Variants in PRELID2 observed in about 807,000 individuals in gnomAD.
The protein encoded by PRELID2 is PRELI domain containing 2.
A neutral mutation model predicts 28.4 loss-of-function variants in PRELID2; 25 were observed. The observed-to-expected ratio is 0.88, with a 90% CI of 0.64 to 1.23. PRELID2 has a LOEUF of 1.23. Among genes scored for constraint, PRELID2 ranks in the 50% most tolerant of loss-of-function variants. PRELID2 has a pLI of 0.00. For missense variants in PRELID2, 201 were observed against 214.4 expected, an observed-to-expected ratio of 0.94 and a Z score of 0.39; for synonymous variants, 76 against 71.6, an observed-to-expected ratio of 1.06 and a Z score of -0.31.
In PRELID2 at chr5:145,697,312, C is replaced by T. The variant is rs146071503; in HGVS notation, n.70+67619G>A. Among the ~76,000 whole-genome samples, 33 of 151,994 alleles carry T rather than the reference C, an allele frequency of 2.2e-4. No homozygotes were observed. In the South Asian group the frequency reaches 4.6e-3, roughly 21 times the overall value. On this transcript the variant is annotated intron_variant and non_coding_transcript_variant, in intron 1 of 2. Coordinates refer to the PRELID2 transcript ENST00000510259. ...TGCTTCTCCTCATTTAATCTCACAGCAACCCTGGGAGTCAGTGCATTCACA... is the reference window on the plus strand; with the variant it reads ...TGCTTCTCCTCATTTAATCTCACAGTAACCCTGGGAGTCAGTGCATTCACA...
At chr5:145,415,850 C>T in the PRELID2 span, among the ~76,000 whole-genome samples, 1,035 of 151,868 alleles carry the variant, frequency 6.8e-3, 3 homozygotes, top group Non-Finnish European at 0.01. Context: ...CCTGAGGAAT[C>T]GCCACACTGA....
intron 1 of PRELID2, among the ~76,000 whole-genome samples, chr5:145,674,193 G>A (rs1269528873): frequency 6.6e-6 from 1 of 152,030 alleles, no homozygotes; most frequent in Non-Finnish European, 1.5e-5. Context: ...TAAGTTCTAG[G>A]GTACATGCGC....
intron 5 of PRELID2, among the ~76,000 whole-genome samples, chr5:145,791,861 G>A (rs1215072012): frequency 6.6e-6 from 1 of 152,168 alleles, no homozygotes; most frequent in Non-Finnish European, 1.5e-5. Flanking sequence ...CGTCATTACA[G>A]TAAAAATGGG....
At chr5:145,667,846 A>T (rs1165660131) in intron 1 of PRELID2, among the ~76,000 whole-genome samples, 1 of 152,108 alleles carries the variant, frequency 6.6e-6, no homozygotes, top group Non-Finnish European at 1.5e-5. Context: ...CCAATTGTAG[A>T]CTTGCTTAGC....
chr5:145,374,543 G>A, the PRELID2 span, among the ~76,000 whole-genome samples: 2 of 152,058 alleles, frequency 1.3e-5, no homozygotes, highest in Non-Finnish European at 2.9e-5. Context: ...CTAGGTTGGG[G>A]AAGTTTCCCT....
chr5:145,618,853 G>T (rs1200756796), intron 1 of PRELID2, among the ~76,000 whole-genome samples: 2 of 152,138 alleles, frequency 1.3e-5, no homozygotes, highest in East Asian at 1.9e-4. Flanking sequence ...GGTGGGTCTT[G>T]CTGTGGCTGC....
intron 1 of PRELID2, among the ~76,000 whole-genome samples, chr5:145,631,479 C>G (rs928149988): frequency 3.3e-5 from 5 of 152,150 alleles, no homozygotes; most frequent in Non-Finnish European, 7.3e-5. Flanking sequence ...ATCTTTCTTC[C>G]TTATCCTACA....
chr5:145,439,093 CCACTTCTG>C, the PRELID2 span, among the ~76,000 whole-genome samples: 1 of 152,084 alleles, frequency 6.6e-6, no homozygotes, highest in African/African-American at 2.4e-5. Context: ...ACTTGTGTCC[CCACTTCTG>C]CACTGCTGCT....
At chr5:145,416,807 G>A in the PRELID2 span, among the ~76,000 whole-genome samples, 1 of 151,846 alleles carries the variant, frequency 6.6e-6, no homozygotes, top group Non-Finnish European at 1.5e-5. Context: ...CTGAACTGAA[G>A]CAGACAAAGA....
At chr5:145,805,363 CA>C (rs974345341) in intron 4 of PRELID2, among the ~76,000 whole-genome samples, 1 of 152,022 alleles carries the variant, frequency 6.6e-6, no homozygotes, top group Admixed American at 6.6e-5. Flanking sequence ...AAGAATTTTG[CA>C]AAAAATGAAG....
chr5:145,286,720 GTTTGT>G, the PRELID2 span, among the ~76,000 whole-genome samples: 494 of 117,874 alleles, frequency 4.2e-3, 9 homozygotes, highest in African/African-American at 0.018. Flanking sequence ...TTGTTTGTTT[GTTTGT>G]TTTTTTTTTT....
At chr5:145,314,492 A>T in the PRELID2 span, among the ~76,000 whole-genome samples, 1 of 152,182 alleles carries the variant, frequency 6.6e-6, no homozygotes, top group African/African-American at 2.4e-5. Context: ...AAGTTATAAA[A>T]TTTATAATAG....
intron 1 of PRELID2, 23 bp downstream of exon 1, chr5:145,835,154 G>T: frequency 2.6e-6 from 4 of 1,524,874 alleles, no homozygotes; most frequent in East Asian, 2.5e-5. Context: ...CGCGGGATAC[G>T]GAAGGTGGAA....
At chr5:145,658,547 G>A (rs2149675607) in intron 1 of PRELID2, among the ~76,000 whole-genome samples, 1 of 152,274 alleles carries the variant, frequency 6.6e-6, no homozygotes, top group East Asian at 1.9e-4. Flanking sequence ...TACTTGCTCA[G>A]TTAGTTCACA....
chr5:145,645,058 C>A (rs1384766448), intron 1 of PRELID2, among the ~76,000 whole-genome samples: 1 of 152,078 alleles, frequency 6.6e-6, no homozygotes, highest in African/African-American at 2.4e-5. Context: ...GAGTTCAAGT[C>A]CTGAATATCC....
intron 1 of PRELID2, among the ~76,000 whole-genome samples, chr5:145,585,303 G>A (rs545533427): frequency 1.3e-5 from 2 of 152,246 alleles, no homozygotes; most frequent in African/African-American, 4.8e-5. Context: ...TGGCGAAGAA[G>A]GGAGAGCTTC....
the PRELID2 span, among the ~76,000 whole-genome samples, chr5:145,302,146 T>G: frequency 1.3e-5 from 2 of 151,956 alleles, no homozygotes; most frequent in African/African-American, 4.8e-5. Flanking sequence ...CTTTAATTTT[T>G]TATTCAAATT....
At chr5:145,420,530 G>C in the PRELID2 span, among the ~76,000 whole-genome samples, 10 of 142,618 alleles carry the variant, frequency 7.0e-5, no homozygotes, top group African/African-American at 1.5e-4. Flanking sequence ...TTGGCTCTCT[G>C]TTTGTCTGTT....
intron 1 of PRELID2, among the ~76,000 whole-genome samples, chr5:145,748,237 A>G (rs1757045212): frequency 6.6e-6 from 1 of 152,348 alleles, no homozygotes; most frequent in East Asian, 1.9e-4. Flanking sequence ...TGCAGACGAC[A>G]TGATTTTATG....
Sources: gnomAD v4.1 joint callset for allele counts (sites outside exome capture counted in the v4.1 genomes callset) on GRCh38, gnomAD v4.1.1 for gene constraint, MANE v1.5 for transcripts, NCBI Gene and HGNC (gene_info 2026-07-23, HGNC 2026-07-21) for gene names.